The following TOMM5 variants were observed in gnomAD, a reference collection of about 807,000 sequenced individuals.
The protein encoded by TOMM5 is mitochondrial import receptor subunit TOM5 homolog.
Under a neutral mutation model 4.8 loss-of-function variants are expected in TOMM5, and 1 was observed. The ratio of observed to expected loss-of-function variants is 0.21; its 90% confidence interval spans 0.07 to 0.99. The LOEUF (loss-of-function observed/expected upper bound fraction) is 0.99, where lower values mean the gene tolerates loss of function less well. Ranked by LOEUF, TOMM5 falls within the 50% of genes least tolerant of loss-of-function variation. The probability of loss-of-function intolerance (pLI) is 0.60; values close to 1 mark genes in which losing one functional copy is unlikely to be tolerated. For missense variants in TOMM5, 60 were observed against 66.6 expected, an observed-to-expected ratio of 0.90 and a Z score of 0.35; for synonymous variants, 26 against 26.7, an observed-to-expected ratio of 0.97 and a Z score of 0.08.
At chr9:37,591,594 A>T (rs531608127) in intron 1 of TOMM5, among the ~76,000 whole-genome samples, 1 of 151,398 alleles carries the variant, frequency 6.6e-6, no homozygotes, top group East Asian at 2.0e-4. Context: ...TGGGAGGCTG[A>T]GGTGGGAGAA....
At chr9:37,590,887 G>A (rs1459981683) in intron 1 of TOMM5, among the ~76,000 whole-genome samples, 1 of 152,222 alleles carries the variant, frequency 6.6e-6, no homozygotes, top group Non-Finnish European at 1.5e-5. Context: ...GTATCAGTGA[G>A]CTCTGGCCTA....
At chr9:37,590,098 T>C (rs1337545437) in intron 1 of TOMM5, among the ~76,000 whole-genome samples, 4 of 152,156 alleles carry the variant, frequency 2.6e-5, no homozygotes, top group Non-Finnish European at 5.9e-5. Flanking sequence ...TTCATTTAAA[T>C]GAAATATCCA....
intron 1 of TOMM5, 64 bp from the exon 2 acceptor site, chr9:37,588,996 A>T: frequency 7.2e-7 from 1 of 1,383,942 alleles, no homozygotes; most frequent in Non-Finnish European, 1.0e-6. Flanking sequence ...ACATTATAGA[A>T]TTATCAGGTT....
chr9:37,589,695 T>C (rs1823071745), intron 1 of TOMM5, among the ~76,000 whole-genome samples: 2 of 152,204 alleles, frequency 1.3e-5, no homozygotes, highest in South Asian at 2.1e-4. Context: ...CTAATTTTTG[T>C]ATTTTTTTAA....
At chr9:37,589,710 C>T (rs933722576) in intron 1 of TOMM5, among the ~76,000 whole-genome samples, 4 of 151,916 alleles carry the variant, frequency 2.6e-5, no homozygotes, top group Non-Finnish European at 4.4e-5. Flanking sequence ...TTTTAAAAGA[C>T]GAGGTATCAC....
chr9:37,588,875 C>T lies in TOMM5; in HGVS notation c.*23G>A. 1 of 1,612,914 alleles carries T rather than the reference C, an allele frequency of 6.2e-7. No homozygotes were observed. The highest frequency in any genetic ancestry group is 8.5e-7 in the Non-Finnish European group (1 of 1,178,884). ...CTGTAACCAGGCTCTTCATATCGTG[C>T]ATTCATATGTGATGTCCTGTCTTCA... On this transcript the variant is annotated 3_prime_UTR_variant, in exon 2 of 2. Coordinates refer to ENST00000321301, the MANE Select transcript of TOMM5 (RefSeq NM_001001790.3).
intron 1 of TOMM5, among the ~76,000 whole-genome samples, chr9:37,591,839 C>T (rs184231500): frequency 6.6e-6 from 1 of 152,246 alleles, no homozygotes; most frequent in African/African-American, 2.4e-5. Flanking sequence ...CCTTCTAGAA[C>T]TATGGTTCTG....
chr9:37,589,021 T>C (rs550280774), intron 1 of TOMM5, 89 bp from the exon 2 acceptor site: 43 of 1,204,712 alleles, frequency 3.6e-5, no homozygotes, highest in South Asian at 3.2e-4. Flanking sequence ...CAACATGTTT[T>C]TGAAAATAAC....
chr9:37,590,432 G>C (rs1357457997), intron 1 of TOMM5, among the ~76,000 whole-genome samples: 1 of 151,876 alleles, frequency 6.6e-6, no homozygotes, highest in Non-Finnish European at 1.5e-5. Flanking sequence ...ATCCGGACTA[G>C]ACAAATCCAT....
In TOMM5 at chr9:37,592,594, G is replaced by T. The variant is rs1171993299; in HGVS notation, c.-62C>A. On this transcript the variant is annotated 5_prime_UTR_variant, in exon 1 of 2. Transcript: ENST00000321301. Reference sequence around the variant, plus strand: ...CTGCTCTCCACGGTGGCCGCCTCGCGCCCGGAACTCGGCCTATCCTCACTT... The same window carrying T: ...CTGCTCTCCACGGTGGCCGCCTCGCTCCCGGAACTCGGCCTATCCTCACTT... The T allele has an allele frequency of 6.4e-7, 1 of 1,571,992 alleles. No homozygotes were observed. Among genetic ancestry groups the T allele is most frequent in the Admixed American group, 1.7e-5 (1 of 57,704 alleles).
chr9:37,588,678 A>T lies in TOMM5; in HGVS notation c.*220T>A. The T allele has an allele frequency of 1.5e-6, 1 of 688,120 alleles. No individual in the cohort carries two copies. The highest frequency in any genetic ancestry group is 2.7e-6 in the Non-Finnish European group (1 of 376,770). The allele number at this position is 688,120 out of a possible 1,614,324, so 42.6% of individuals were successfully genotyped here. A position where few individuals can be genotyped will look rare whatever the true frequency, so the allele number is the denominator to read the frequency against. On this transcript the variant is annotated 3_prime_UTR_variant, in exon 2 of 2. Transcript: ENST00000321301. ...TCAGAGGCCAAACGTCACAGGGATA[A>T]GGGTACACCAGATCACGAGACATCG...
Position 37,588,915 on chromosome 9 carries a change from T to C in TOMM5, c.139A>G (p.Lys47Glu). The change falls in exon 2 of 2, where the codon AAA becomes GAA. Residue 47 changes from lysine (K) to glutamate (E), a missense_variant. Coordinates refer to ENST00000321301, the MANE Select transcript of TOMM5 (RefSeq NM_001001790.3). ...TCCTGTCTTCATATGCTGTCCAATT[T>C]CTTTAAGATAAATGGAGCTGAAAGA... is the stretch of plus-strand genomic sequence containing the variant. ...LLRVTPFILK[K>E]LDSI is the part of the protein sequence containing the mutation. 1 of 1,613,760 alleles carries C rather than the reference T, an allele frequency of 6.2e-7. No homozygotes were observed. The highest frequency in any genetic ancestry group is 8.5e-7 in the Non-Finnish European group (1 of 1,179,772).
At chr9:37,591,929 T>G (rs1435494071) in intron 1 of TOMM5, among the ~76,000 whole-genome samples, 1 of 152,082 alleles carries the variant, frequency 6.6e-6, no homozygotes, top group Admixed American at 6.5e-5. Flanking sequence ...CAAACATTCT[T>G]TTTTTTGAGA....
intron 1 of TOMM5, among the ~76,000 whole-genome samples, chr9:37,591,894 G>T (rs1046524968): frequency 2.0e-5 from 3 of 152,012 alleles, no homozygotes; most frequent in African/African-American, 7.2e-5. Context: ...TTCCTCTAGG[G>T]ATAATTACTT....
chr9:37,592,207 GC>G, intron 1 of TOMM5: 1 of 1,508,942 alleles, frequency 6.6e-7, no homozygotes. Flanking sequence ...AAACACGCGC[GC>G]CGGCCACCAC....
chr9:37,588,905 C>G lies in TOMM5; in HGVS notation c.149G>C (p.Ser50Thr), dbSNP rs1823058170. The G allele has an allele frequency of 6.2e-7, 1 of 1,613,742 alleles. No individual in the cohort carries two copies. The highest frequency in any genetic ancestry group is 1.7e-5 in the Admixed American group (1 of 59,994). The change falls in exon 2 of 2, where the codon AGC becomes ACC. Residue 50 changes from serine to threonine, a missense_variant. By Grantham distance (58) the Ser-to-Thr change is moderately conservative. Transcript: ENST00000321301. ...ATATGTGATGTCCTGTCTTCATATG[C>G]TGTCCAATTTCTTTAAGATAAATGG... Reference protein sequence around the residue: ...VTPFILKKLDSI With the variant: ...VTPFILKKLDTI
Position 37,592,584 on chromosome 9 carries a change from G to C in TOMM5, c.-52C>G. ...CCGCCGCGCTCTGCTCTCCACGGTG[G>C]CCGCCTCGCGCCCGGAACTCGGCCT... is the stretch of plus-strand genomic sequence containing the variant. On this transcript the variant is annotated 5_prime_UTR_variant, in exon 1 of 2. Coordinates refer to ENST00000321301, the MANE Select transcript of TOMM5 (RefSeq NM_001001790.3). 1 of 1,580,806 alleles carries C rather than the reference G, an allele frequency of 6.3e-7. No homozygotes were observed. Among genetic ancestry groups the C allele is most frequent in the South Asian group, 1.2e-5 (1 of 86,462 alleles).
Position 37,592,579 on chromosome 9 carries a change from C to A in TOMM5, c.-47G>T. ...TCCAGCCGCCGCGCTCTGCTCTCCA[C>A]GGTGGCCGCCTCGCGCCCGGAACTC... On this transcript the variant is annotated 5_prime_UTR_variant, in exon 1 of 2. Transcript: ENST00000321301. The A allele has an allele frequency of 1.3e-6, 2 of 1,588,322 alleles. No homozygotes were observed. Among genetic ancestry groups the A allele is most frequent in the Non-Finnish European group, 1.7e-6 (2 of 1,166,158 alleles).
At chr9:37,590,442 T>C (rs1242865735) in intron 1 of TOMM5, among the ~76,000 whole-genome samples, 1 of 151,280 alleles carries the variant, frequency 6.6e-6, no homozygotes, top group African/African-American at 2.4e-5. Flanking sequence ...GACAAATCCA[T>C]AGAGAAAAAG....
Sources: gnomAD v4.1 joint callset for allele counts (sites outside exome capture counted in the v4.1 genomes callset) on GRCh38, gnomAD v4.1.1 for gene constraint, MANE v1.5 for transcripts, NCBI Gene and HGNC (gene_info 2026-07-23, HGNC 2026-07-21) for gene names.